PTP4A1: variants seen among roughly 807,000 people sequenced by gnomAD.
PTP4A1 encodes the protein protein tyrosine phosphatase type IVA 1.
Under a neutral mutation model 20.5 loss-of-function variants are expected in PTP4A1, and 9 were observed. The observed-to-expected ratio is 0.44, with a 90% CI of 0.26 to 0.77. The LOEUF (loss-of-function observed/expected upper bound fraction) is 0.77. Among genes scored for constraint, PTP4A1 ranks in the 30% least tolerant of loss-of-function variants. PTP4A1 has a pLI of 0.19. For missense variants in PTP4A1, 137 were observed against 218.8 expected (o/e 0.63, Z 2.36); for synonymous variants, 78 against 67.4 (o/e 1.16, Z -0.77).
chr6:63,549,039 A>T, intron 2 of PTP4A1: 1 of 726,306 alleles, frequency 1.4e-6, no homozygotes. Flanking sequence ...GTCGTGTGCA[A>T]TCACCACCGG....
chr6:63,557,514 C>T (rs189092277), intron 3 of PTP4A1, among the ~76,000 whole-genome samples: 26 of 152,028 alleles, frequency 1.7e-4, no homozygotes, highest in Middle Eastern at 6.8e-3. Flanking sequence ...TGCAGTGAGT[C>T]GAGATCGCAC....
chr6:63,552,414 T>A (rs1776491900), intron 3 of PTP4A1, among the ~76,000 whole-genome samples: 1 of 152,188 alleles, frequency 6.6e-6, no homozygotes, highest in Non-Finnish European at 1.5e-5. Context: ...GTTTGAGTTC[T>A]TTGTAGATTC....
chr6:63,557,554 A>G (rs1436377534), intron 3 of PTP4A1, among the ~76,000 whole-genome samples: 1 of 152,198 alleles, frequency 6.6e-6, no homozygotes, highest in Non-Finnish European at 1.5e-5. Context: ...CTACAGAGTG[A>G]AACTCCATTT....
intron 2 of PTP4A1, among the ~76,000 whole-genome samples, chr6:63,547,299 C>G (rs985082733): frequency 6.6e-6 from 1 of 150,992 alleles, no homozygotes; most frequent in Non-Finnish European, 1.5e-5. Context: ...AAGTGATTCT[C>G]CTGTCTCAGC....
intron 2 of PTP4A1, among the ~76,000 whole-genome samples, chr6:63,541,326 G>C (rs922822555): frequency 6.6e-6 from 1 of 152,022 alleles, no homozygotes; most frequent in African/African-American, 2.4e-5. Flanking sequence ...AGGTCAAGGC[G>C]GGTGGATCAT....
intron 1 of PTP4A1, 83 bp downstream of exon 1, chr6:63,572,802 C>G (rs955610803): frequency 2.5e-6 from 1 of 397,328 alleles, no homozygotes; most frequent in Non-Finnish European, 4.4e-6. Context: ...TGTTCGGAGC[C>G]CGGCGTCTCC....
chr6:63,545,163 T>C (rs1776129105), intron 2 of PTP4A1, among the ~76,000 whole-genome samples: 1 of 152,236 alleles, frequency 6.6e-6, no homozygotes, highest in Admixed American at 6.5e-5. Context: ...TGAGTTATAA[T>C]CTGTTTCTAT....
chr6:63,574,620 A>G (rs1460467602), intron 1 of PTP4A1, among the ~76,000 whole-genome samples: 1 of 152,198 alleles, frequency 6.6e-6, no homozygotes, highest in African/African-American at 2.4e-5. Flanking sequence ...TGTAGCCGAC[A>G]GGAGTTTTAG....
At chr6:63,566,990 C>T (rs1434983549) in intron 3 of PTP4A1, among the ~76,000 whole-genome samples, 1 of 152,222 alleles carries the variant, frequency 6.6e-6, no homozygotes, top group African/African-American at 2.4e-5. Flanking sequence ...GAAGCAACTC[C>T]TCATTCATTC....
At chr6:63,550,799 G>A (rs1349513371) in intron 3 of PTP4A1, among the ~76,000 whole-genome samples, 3 of 151,894 alleles carry the variant, frequency 2.0e-5, no homozygotes, top group African/African-American at 7.3e-5. Context: ...TAATTTTTGT[G>A]TTTTTAGTAA....
At chr6:63,537,782 A>G (rs1362291311) in intron 2 of PTP4A1, among the ~76,000 whole-genome samples, 1 of 152,192 alleles carries the variant, frequency 6.6e-6, no homozygotes, top group Non-Finnish European at 1.5e-5. Context: ...TTTACATGGC[A>G]AGGGGGAAGG....
intron 3 of PTP4A1, among the ~76,000 whole-genome samples, chr6:63,552,406 T>C (rs1776491579): frequency 6.6e-6 from 1 of 152,238 alleles, no homozygotes; most frequent in African/African-American, 2.4e-5. Flanking sequence ...GTAAATTTGT[T>C]TGAGTTCTTT....
upstream of PTP4A1, among the ~76,000 whole-genome samples, chr6:63,567,502 T>C (rs770296267): frequency 3.3e-5 from 5 of 152,234 alleles, no homozygotes; most frequent in Non-Finnish European, 7.3e-5. Context: ...GTCTCAACAG[T>C]GGACTTAAAA....
intron 1 of PTP4A1, among the ~76,000 whole-genome samples, chr6:63,522,521 A>AG (rs1374857625): frequency 6.6e-6 from 1 of 152,226 alleles, no homozygotes; most frequent in Non-Finnish European, 1.5e-5. Flanking sequence ...TAGTAAGCAA[A>AG]GAGAGCAATA....
At position 63,544,214 on chromosome 6, in the gene PTP4A1, G is replaced by T. The variant is rs200225989; in HGVS notation, c.-639-6086G>T. On this transcript the variant is annotated intron_variant, in intron 2 of 3. Coordinates refer to the PTP4A1 transcript ENST00000639568. The stretch of plus-strand genomic sequence containing the variant: ...TTCTAAACATTCTTTGATGTAATTT[G>T]AGATATGAAGAAAAGATGCAAGAAA... Among the ~76,000 whole-genome samples the T allele has an allele frequency of 9.9e-5, 15 of 152,246 alleles. No homozygotes were observed. The East Asian group carries it at 2.9e-3, about 29-fold the overall frequency.
At position 63,550,870 on chromosome 6, in the gene PTP4A1, C is replaced by A. The variant is rs1034157622; in HGVS notation, c.-446+377C>A. On this transcript the variant is annotated intron_variant, in intron 3 of 3. Transcript: ENST00000639568. ...CAAACTACTGACCTCAGGTGATCCG[C>A]CTGCCTCGGCCTCCCAAAGTGTTTG... Among the ~76,000 whole-genome samples, 8 of 152,146 alleles carry A rather than the reference C, an allele frequency of 5.3e-5. No homozygotes were observed. The East Asian group carries it at 1.5e-3, about 29-fold the overall frequency.
intron 5 of PTP4A1, among the ~76,000 whole-genome samples, chr6:63,579,585 A>G (rs1262309332): frequency 1.3e-5 from 2 of 152,190 alleles, no homozygotes; most frequent in African/African-American, 4.8e-5. Flanking sequence ...GTTATTTTGT[A>G]TTTTTATTGA....
chr6:63,574,546 T>C (rs371142301), intron 1 of PTP4A1, among the ~76,000 whole-genome samples: 6 of 152,312 alleles, frequency 3.9e-5, no homozygotes, highest in East Asian at 1.9e-4. Context: ...ATTCTTAATA[T>C]AGTTCTTTCT....
intron 3 of PTP4A1, among the ~76,000 whole-genome samples, chr6:63,563,701 G>A (rs1777063221): frequency 6.6e-6 from 1 of 152,180 alleles, no homozygotes; most frequent in African/African-American, 2.4e-5. Context: ...ACACATATGT[G>A]TTGGGGAAGG....
Sources: allele counts gnomAD v4.1 joint callset (sites outside exome capture counted in the v4.1 genomes callset), GRCh38; gene constraint gnomAD v4.1.1; transcripts MANE v1.5; gene names NCBI Gene and HGNC (gene_info 2026-07-23, HGNC 2026-07-21).